Variants in HDX observed in about 807,000 individuals in gnomAD.
HDX encodes the protein highly divergent homeobox.
In HDX, 19 loss-of-function variants were observed where a neutral mutation model predicts 45.2. The observed-to-expected ratio is 0.42, with a 90% CI of 0.29 to 0.62. The LOEUF (loss-of-function observed/expected upper bound fraction) is 0.62, where lower values mean the gene tolerates loss of function less well. HDX is among the 20% of genes least tolerant of loss of function. The pLI is 0.20. For missense variants in HDX, 532 were observed against 493.9 expected, an observed-to-expected ratio of 1.08 and a Z score of -0.73; for synonymous variants, 188 against 172.8, an observed-to-expected ratio of 1.09 and a Z score of -0.69.
At chrX:84,359,030 G>A (rs992027043) in intron 6 of HDX, among the ~76,000 whole-genome samples, 1 of 109,317 alleles carries the variant, frequency 9.1e-6, no homozygotes, top group Non-Finnish European at 1.9e-5. Flanking sequence ...TTTACACCAC[G>A]GAAATCAGCA....
At chrX:84,453,831 T>TAG (rs2040056710) in intron 4 of HDX, among the ~76,000 whole-genome samples, 1 of 111,328 alleles carries the variant, frequency 9.0e-6, no homozygotes, top group Non-Finnish European at 1.9e-5. Context: ...TTCACTTGAG[T>TAG]AGAGAAGAGA....
intron 4 of HDX, among the ~76,000 whole-genome samples, chrX:84,448,852 G>T (rs972457123): frequency 9.1e-6 from 1 of 110,032 alleles, no homozygotes; most frequent in Admixed American, 9.7e-5. Flanking sequence ...TTATAAAGCA[G>T]CTCAGGGAGA....
intron 9 of HDX, among the ~76,000 whole-genome samples, chrX:84,326,871 GC>G (rs2036722960): frequency 9.4e-6 from 1 of 106,478 alleles, no homozygotes. Flanking sequence ...AGCAGAGATC[GC>G]ACTGCTGCAC....
chrX:84,447,976 A>T (rs1029453781), intron 4 of HDX, among the ~76,000 whole-genome samples: 3 of 111,221 alleles, frequency 2.7e-5, no homozygotes, highest in African/African-American at 6.5e-5. Flanking sequence ...TATCCCCACC[A>T]AGCATTCTGT....
intron 5 of HDX, among the ~76,000 whole-genome samples, chrX:84,372,587 T>A (rs776341141): frequency 3.0e-4 from 34 of 112,437 alleles, no homozygotes; most frequent in African/African-American, 1.1e-3. Flanking sequence ...TTTCATTTAA[T>A]CTCATTGCAT....
chrX:84,492,424 C>A (rs181172027), intron 1 of HDX, among the ~76,000 whole-genome samples: 5 of 110,546 alleles, frequency 4.5e-5, no homozygotes, highest in Admixed American at 3.9e-4. Flanking sequence ...AGTCTGGATA[C>A]CTCCATCCTA....
intron 5 of HDX, among the ~76,000 whole-genome samples, chrX:84,421,880 A>G (rs1432607365): frequency 9.0e-6 from 1 of 111,377 alleles, no homozygotes; most frequent in Admixed American, 9.6e-5. Context: ...ATATATATGA[A>G]CCCAACACTG....
chrX:84,345,760 G>A (rs1025706949), intron 6 of HDX, among the ~76,000 whole-genome samples: 3 of 111,571 alleles, frequency 2.7e-5, no homozygotes, highest in Admixed American at 9.6e-5. Context: ...CAATGCATGA[G>A]AGATCCAGTT....
At position 84,405,660 on chromosome X, in the gene HDX, A is replaced by ATGTGTGTG. The variant is rs200660633; in HGVS notation, c.1305+34871_1305+34872insCACACACA. Among the ~76,000 whole-genome samples the ATGTGTGTG allele has an allele frequency of 7.4e-3, 620 of 84,123 alleles. 21 individuals carry two copies. In the East Asian group the frequency reaches 0.1, roughly 14 times the overall value. 73.1% of individuals were successfully genotyped at this position (84,123 alleles called of 115,157 possible). The stretch of plus-strand genomic sequence containing the variant: ...AGCCTCACAAGCTATATATATATAT[A>ATGTGTGTG]TATATGTGTGTGTGTGTGTGTGTGT... On this transcript the variant is annotated intron_variant, in intron 5 of 10. Transcript: ENST00000373177.
chrX:84,467,609 G>C lies in HDX; in HGVS notation c.1251+863C>G, dbSNP rs1360834643. On this transcript the variant is annotated intron_variant, in intron 4 of 10. Transcript: ENST00000373177. The stretch of plus-strand genomic sequence containing the variant: ...TCACTGCACTCCAGCCTGGGTGACA[G>C]AGCAAGACTCCGTCAAAAAAAAAAA... Among the ~76,000 whole-genome samples the C allele has an allele frequency of 4.1e-5, 4 of 97,012 alleles. No individual in the cohort carries two copies. In the South Asian group the frequency reaches 2.1e-3, roughly 50 times the overall value. The allele number at this position is 97,012 out of a possible 115,157, so 84.2% of individuals were successfully genotyped here.
intron 10 of HDX, among the ~76,000 whole-genome samples, chrX:84,325,839 G>C (rs1460526769): frequency 9.0e-6 from 1 of 111,291 alleles, no homozygotes; most frequent in Non-Finnish European, 1.9e-5. Context: ...TTCACAAAAG[G>C]TCCCAAAATA....
intron 5 of HDX, among the ~76,000 whole-genome samples, chrX:84,393,014 A>G (rs902353861): frequency 8.1e-5 from 9 of 110,889 alleles, no homozygotes; most frequent in African/African-American, 2.9e-4. Context: ...TCTTGCTAAG[A>G]CTTCCAGTAC....
At chrX:84,464,827 C>A (rs145953926) in intron 4 of HDX, among the ~76,000 whole-genome samples, 10 of 111,383 alleles carry the variant, frequency 9.0e-5, no homozygotes, top group Non-Finnish European at 1.3e-4. Flanking sequence ...TGACAAATGG[C>A]ATCTAATTAA....
rs2039737776 is a variant in HDX at position 84,440,557 on chromosome X, A to G, written c.1280T>C (p.Ile427Thr). Residue 427 changes from isoleucine (I) to threonine (T), a missense_variant, in exon 5 of 11, where the codon ATT (isoleucine) becomes ACT (threonine). Transcript: ENST00000373177. The part of the protein sequence containing the change: ...QISGNLTVPW[I>T]TGCSRKRALQ... ...TGCTCTTTTTCTAGAACACCCTGTA[A>G]TCCAAGGCACAGTAAGGTTTCCTGA... The G allele has an allele frequency of 1.7e-6, 2 of 1,188,361 alleles. No individual in the cohort carries two copies. Among genetic ancestry groups the G allele is most frequent in the African/African-American group, 1.8e-5 (1 of 57,131 alleles).
At chrX:84,414,787 A>G (rs1602411823) in intron 5 of HDX, among the ~76,000 whole-genome samples, 2 of 112,004 alleles carry the variant, frequency 1.8e-5, no homozygotes, top group South Asian at 7.4e-4. Context: ...TGTGTTTGTC[A>G]TCTGTAAAGG....
At chrX:84,361,766 G>A (rs1199516936) in intron 5 of HDX, among the ~76,000 whole-genome samples, 154 bp from the exon 6 acceptor site, 1 of 111,858 alleles carries the variant, frequency 8.9e-6, no homozygotes, top group Non-Finnish European at 1.9e-5. Flanking sequence ...CTGAAAATAA[G>A]CATTTTTATT....
intron 2 of HDX, among the ~76,000 whole-genome samples, chrX:84,486,862 T>C (rs955856944): frequency 8.9e-6 from 1 of 111,846 alleles, no homozygotes; most frequent in Admixed American, 9.5e-5. Flanking sequence ...ATATTGAATC[T>C]GTAAATTTTC....
At chrX:84,373,617 C>A (rs1479544004) in intron 5 of HDX, among the ~76,000 whole-genome samples, 1 of 110,708 alleles carries the variant, frequency 9.0e-6, no homozygotes, top group Non-Finnish European at 1.9e-5. Flanking sequence ...CGCAAATCAA[C>A]AAATGTAATC....
At chrX:84,354,008 AT>A (rs768268375) in intron 6 of HDX, among the ~76,000 whole-genome samples, 2 of 111,513 alleles carry the variant, frequency 1.8e-5, no homozygotes, top group South Asian at 7.5e-4. Flanking sequence ...TGTGAATGGT[AT>A]TTTTTTCACT....
Sources: gnomAD v4.1 joint callset for allele counts (sites outside exome capture counted in the v4.1 genomes callset) on GRCh38, gnomAD v4.1.1 for gene constraint, MANE v1.5 for transcripts, NCBI Gene and HGNC (gene_info 2026-07-23, HGNC 2026-07-21) for gene names.